The following DENND6A variants were observed in gnomAD, a reference collection of about 807,000 sequenced individuals.
The protein encoded by DENND6A is DENN domain containing 6A.
Under a neutral mutation model 95.5 loss-of-function variants are expected in DENND6A, and 43 were observed. The ratio of observed to expected loss-of-function variants is 0.45; its 90% CI spans 0.35 to 0.58. The LOEUF (loss-of-function observed/expected upper bound fraction) is 0.58. Among genes scored for constraint, DENND6A ranks in the 20% least tolerant of loss-of-function variants. The pLI is 0.00. For synonymous variants in DENND6A, 257 were observed against 260.4 expected, an observed-to-expected ratio of 0.99 and a Z score of 0.13; for missense variants, 574 against 736.0, an observed-to-expected ratio of 0.78 and a Z score of 2.55.
chr3:57,643,691 G>A (rs1441311513), intron 11 of DENND6A, among the ~76,000 whole-genome samples: 1 of 151,778 alleles, frequency 6.6e-6, no homozygotes, highest in Non-Finnish European at 1.5e-5. Flanking sequence ...GCTGGGTGTG[G>A]TGGTGCATGC....
intron 12 of DENND6A, among the ~76,000 whole-genome samples, chr3:57,638,959 G>A (rs768737145): frequency 9.9e-5 from 15 of 152,050 alleles, no homozygotes; most frequent in Non-Finnish European, 1.5e-4. Flanking sequence ...TTAGCCAGGC[G>A]TGGTGGCGTG....
At chr3:57,632,193 G>A (rs2070698457) in intron 15 of DENND6A, among the ~76,000 whole-genome samples, 1 of 145,280 alleles carries the variant, frequency 6.9e-6, no homozygotes, top group African/African-American at 2.6e-5. Flanking sequence ...CCAATTTTTT[G>A]TATTTTTAGT....
In DENND6A at chr3:57,630,815, G is replaced by C. The variant is rs764049748; in HGVS notation, c.1417C>G (p.Gln473Glu). 5.6e-6 allele frequency: 9 copies of C among 1,613,732 alleles called. No homozygotes were observed. The highest frequency in any genetic ancestry group is 7.6e-6 in the Non-Finnish European group (9 of 1,179,896). ...TCTTCTGGAAGAAACTGTCTTAATTGAGGTGGACTCTAGAAAACAGGACAT... is the reference window on the plus strand; with the variant it reads ...TCTTCTGGAAGAAACTGTCTTAATTCAGGTGGACTCTAGAAAACAGGACAT... The part of the protein sequence containing the change: ...KSISPWKSPP[Q>E]LRQFLPEEFM... Residue 473 changes from glutamine to glutamate, a missense_variant, in exon 17 of 20, where the codon CAA (glutamine) becomes GAA (glutamate). Transcript: ENST00000311128.
Position 57,626,766 on chromosome 3 carries a change from C to T in DENND6A, c.*1448G>A, listed in dbSNP as rs1056161705. The T allele has an allele frequency of 9.3e-5, 14 of 151,114 alleles. No homozygotes were observed. Among genetic ancestry groups the T allele is most frequent in the African/African-American group, 3.4e-4 (14 of 41,090 alleles). The allele number at this position is 151,114 out of a possible 1,614,324, so 9.4% of individuals were successfully genotyped here. On this transcript the variant is annotated 3_prime_UTR_variant, in exon 20 of 20. Coordinates refer to ENST00000311128, the MANE Select transcript of DENND6A (RefSeq NM_152678.3). ...TCTTATTCAAACACAAACCAAACAA[C>T]CCTACTCTACCAAATCACATTCTTC...
chr3:57,660,993 G>A (rs1206146858), intron 6 of DENND6A, among the ~76,000 whole-genome samples, 154 bp from the exon 7 acceptor site: 1 of 152,116 alleles, frequency 6.6e-6, no homozygotes, highest in Non-Finnish European at 1.5e-5. Flanking sequence ...TCAAAGTGAT[G>A]AAAACATTTT....
chr3:57,658,485 G>C (rs928227630), intron 8 of DENND6A, among the ~76,000 whole-genome samples: 1 of 152,162 alleles, frequency 6.6e-6, no homozygotes, highest in Non-Finnish European at 1.5e-5. Context: ...CTACGATTGT[G>C]CCACCGTACT....
chr3:57,633,864 C>T lies in DENND6A; in HGVS notation c.1264-510G>A, dbSNP rs574340551. Among the ~76,000 whole-genome samples the T allele has an allele frequency of 2.6e-5, 4 of 151,748 alleles. No individual in the cohort carries two copies. In the South Asian group the frequency reaches 6.2e-4, roughly 24 times the overall value. On this transcript the variant is annotated intron_variant, in intron 14 of 19. Coordinates refer to ENST00000311128, the MANE Select transcript of DENND6A (RefSeq NM_152678.3). Reference sequence around the variant, plus strand: ...CGAGATTGTGCTATTGCACTCCAGCCTGGGCAACAAGAGCGAAACTCCATC... The same window carrying T: ...CGAGATTGTGCTATTGCACTCCAGCTTGGGCAACAAGAGCGAAACTCCATC...
At chr3:57,684,640 C>G (rs1330862968) in intron 1 of DENND6A, among the ~76,000 whole-genome samples, 5 of 152,034 alleles carry the variant, frequency 3.3e-5, no homozygotes, top group Non-Finnish European at 5.9e-5. Context: ...AAAAAGTAGC[C>G]AGGCATGTTG....
chr3:57,641,804 T>C, intron 11 of DENND6A, 57 bp from the exon 12 acceptor site: 1 of 1,420,714 alleles, frequency 7.0e-7, no homozygotes, highest in Non-Finnish European at 9.8e-7. Context: ...GAATGCTAAA[T>C]CAGTGAAGAA....
chr3:57,652,305 G>C (rs971799515), intron 9 of DENND6A, among the ~76,000 whole-genome samples: 1 of 152,156 alleles, frequency 6.6e-6, no homozygotes, highest in African/African-American at 2.4e-5. Context: ...GCAGCCCTAT[G>C]GAGAAGTCCA....
intron 9 of DENND6A, chr3:57,654,794 G>A (rs959703319): frequency 1.0e-6 from 1 of 984,608 alleles, no homozygotes; most frequent in African/African-American, 1.7e-5. Flanking sequence ...GCCTTTCTAG[G>A]TCTCTTTACT....
At chr3:57,662,780 T>G (rs147649662) in intron 5 of DENND6A, among the ~76,000 whole-genome samples, 17 of 151,918 alleles carry the variant, frequency 1.1e-4, no homozygotes, top group Admixed American at 4.6e-4. Context: ...GTTAAACATA[T>G]AGAGACAGGT....
Position 57,672,389 on chromosome 3 carries a change from T to C in DENND6A, c.276+11A>G. On this transcript the variant is annotated intron_variant, in intron 2 of 19. Coordinates refer to ENST00000311128, the MANE Select transcript of DENND6A (RefSeq NM_152678.3). ...TAACAGTAAACTATACAGAGCAGTA[T>C]TTTTACTTACTTCTCTGTCAGTAAG... 1 of 1,612,798 alleles carries C rather than the reference T, an allele frequency of 6.2e-7. No individual in the cohort carries two copies. The highest frequency in any genetic ancestry group is 8.5e-7 in the Non-Finnish European group (1 of 1,179,264).
intron 1 of DENND6A, among the ~76,000 whole-genome samples, chr3:57,682,528 G>T (rs562029750): frequency 6.6e-6 from 1 of 152,030 alleles, no homozygotes; most frequent in East Asian, 1.9e-4. Context: ...GCCTCTTTTT[G>T]TAATTTTTCC....
intron 14 of DENND6A, among the ~76,000 whole-genome samples, chr3:57,633,764 C>T (rs1367791910): frequency 2.0e-5 from 3 of 151,928 alleles, no homozygotes; most frequent in African/African-American, 7.3e-5. Flanking sequence ...GTGGCGGGCA[C>T]CTGTAATCCC....
chr3:57,641,546 C>T, intron 12 of DENND6A, 107 bp downstream of exon 12: 1 of 867,898 alleles, frequency 1.2e-6, no homozygotes, highest in Admixed American at 3.0e-5. Context: ...TCTCCAAAGG[C>T]CTTGAAGAAA....
intron 9 of DENND6A, among the ~76,000 whole-genome samples, chr3:57,656,727 C>G (rs140205564): frequency 1.9e-3 from 296 of 152,216 alleles, no homozygotes; most frequent in African/African-American, 6.8e-3. Flanking sequence ...GAGGGCAAGG[C>G]AGGTGGATCA....
In DENND6A at chr3:57,692,799, G is replaced by A; in HGVS notation, c.220C>T (p.Leu74=). ...GGCCTCACCTCCACGGCCTGGCCCA[G>A]CTCCAGGTCGAAGCCCACCACACAC... ...CVCVVGFDLE[L]GQAVEVIYPQ... Residue 74 remains leucine (L), a synonymous_variant, in exon 1 of 20, where the codon CTG becomes TTG. Transcript: ENST00000311128. 2 of 1,552,756 alleles carry A rather than the reference G, an allele frequency of 1.3e-6. No individual in the cohort carries two copies. Among genetic ancestry groups the A allele is most frequent in the Non-Finnish European group, 1.7e-6 (2 of 1,154,326 alleles).
At chr3:57,677,329 T>C (rs559456733) in intron 1 of DENND6A, among the ~76,000 whole-genome samples, 6 of 151,916 alleles carry the variant, frequency 3.9e-5, no homozygotes, top group African/African-American at 1.5e-4. Flanking sequence ...AATTCAATTG[T>C]GCCTTGAGTC....
Sources: allele counts gnomAD v4.1 joint callset (sites outside exome capture counted in the v4.1 genomes callset), GRCh38; gene constraint gnomAD v4.1.1; transcripts MANE v1.5; gene names NCBI Gene and HGNC (gene_info 2026-07-23, HGNC 2026-07-21).